Variants in PCDHGB4 observed in about 807,000 individuals in gnomAD.
PCDHGB4 encodes protocadherin gamma subfamily B, 4.
A neutral mutation model predicts 60.5 loss-of-function variants in PCDHGB4; 38 were observed. The observed-to-expected ratio is 0.63, with a 90% confidence interval of 0.48 to 0.82. PCDHGB4 has a LOEUF of 0.82. Ranked by LOEUF, PCDHGB4 falls within the 40% of genes least tolerant of loss-of-function variation. The pLI is 0.00. For synonymous variants in PCDHGB4, 456 were observed against 509.7 expected, an observed-to-expected ratio of 0.89 and a Z score of 1.42; for missense variants, 1,109 against 1,209.6, an observed-to-expected ratio of 0.92 and a Z score of 1.23.
Position 141,389,719 on chromosome 5 carries a change from C to A in PCDHGB4, c.1835C>A (p.Pro612His), listed in dbSNP as rs371194042. ...TACCACGTGCTGCAGGCTAGCGAGC[C>A]CGGGCTCTTCAGCCTGGGGCTGCGC... The part of the protein sequence containing the change: ...LSYHVLQASE[P>H]GLFSLGLRTG... The change falls in exon 1 of 4, where the codon CCC becomes CAC. Residue 612 changes from proline to histidine, a missense_variant. Around this residue, in one of 2 missense-constraint regions of PCDHGB4, gnomAD observed 1,068 missense variants for 1,089.9 expected, o/e 0.98. Coordinates refer to ENST00000519479, the MANE Select transcript of PCDHGB4 (RefSeq NM_003736.4). The A allele has an allele frequency of 3.8e-5, 62 of 1,612,570 alleles. No individual in the cohort carries two copies. Among genetic ancestry groups the A allele is most frequent in the South Asian group, 1.1e-5 (1 of 91,050 alleles).
chr5:141,420,519 A>G (rs1056198647), intron 1 of PCDHGB4: 1 of 387,066 alleles, frequency 2.6e-6, no homozygotes, highest in African/African-American at 2.1e-5. Flanking sequence ...GAAGTAAAAT[A>G]CCTTTCGGTT....
Position 141,431,529 on chromosome 5 carries a change from T to G in PCDHGB4, c.2397+41248T>G, listed in dbSNP as rs145601545. The G allele has an allele frequency of 2.5e-6, 4 of 1,614,074 alleles. No homozygotes were observed. The highest frequency in any genetic ancestry group is 3.4e-6 in the Non-Finnish European group (4 of 1,180,030). ...GCGAGCGTTCCGGAGAATCTGGCCT[T>G]GGGCACGCAGCTGCTTGTAGTCAAC... On this transcript the variant is annotated intron_variant, in intron 1 of 3. Coordinates refer to ENST00000519479, the MANE Select transcript of PCDHGB4 (RefSeq NM_003736.4). The surrounding 1 kb of genome is among the most constrained non-coding windows in gnomAD (Gnocchi z 4.8).
chr5:141,428,082 G>A lies in PCDHGB4; in HGVS notation c.2397+37801G>A, dbSNP rs776612130. 2.5e-6 allele frequency: 4 copies of A among 1,609,030 alleles called. No individual in the cohort carries two copies. In the African/African-American group the frequency reaches 5.3e-5, roughly 21 times the overall value. On this transcript the variant is annotated intron_variant, in intron 1 of 3. Transcript: ENST00000519479. ...GGTGGACGCAGATTCGGGACACAACGCTTGGCTGTCCTACCACGTGCTGCA... is the reference window on the plus strand; with the variant it reads ...GGTGGACGCAGATTCGGGACACAACACTTGGCTGTCCTACCACGTGCTGCA...
rs768656280 is a variant in PCDHGB4, at chr5:141,390,016, T to G, written c.2132T>G (p.Leu711Trp). 1.2e-6 allele frequency: 2 copies of G among 1,613,978 alleles called. No homozygotes were observed. The highest frequency in any genetic ancestry group is 4.5e-5 in the East Asian group (2 of 44,896). Residue 711 changes from leucine (L) to tryptophan (W), a missense_variant, in exon 1 of 4, where the codon TTG becomes TGG. Physicochemically the swap from Leu to Trp is moderately conservative, Grantham distance 61. Around this residue, in one of 2 missense-constraint regions of PCDHGB4, gnomAD observed 1,068 missense variants for 1,089.9 expected, o/e 0.98. Coordinates refer to ENST00000519479, the MANE Select transcript of PCDHGB4 (RefSeq NM_003736.4). ...GTGGCCATGATTCTGGCCATTGCCT[T>G]GCGCCTGCGACGCTCCTCCAGCCCC... is the stretch of plus-strand genomic sequence containing the variant. ...FLVAMILAIA[L>W]RLRRSSSPAS... is the part of the protein sequence containing the mutation.
At position 141,471,055 on chromosome 5, in the gene PCDHGB4, T is replaced by C. The variant is rs1229791864; in HGVS notation, c.2398-23752T>C. Reference sequence around the variant, plus strand: ...AACAAGCCCAAGCCCTCTTTTTTTTTTTTTTTTTTTTGAGACAGGGTCTCC... The same window carrying C: ...AACAAGCCCAAGCCCTCTTTTTTTTCTTTTTTTTTTTGAGACAGGGTCTCC... On this transcript the variant is annotated intron_variant, in intron 1 of 3. Coordinates refer to ENST00000519479, the MANE Select transcript of PCDHGB4 (RefSeq NM_003736.4). Among the ~76,000 whole-genome samples the C allele has an allele frequency of 1.7e-4, 25 of 148,764 alleles. 2 individuals are homozygous for C. The Admixed American group carries it at 1.7e-3, about 10-fold the overall frequency.
At position 141,477,706 on chromosome 5, in the gene PCDHGB4, G is replaced by A. The variant is rs1490514142; in HGVS notation, c.2398-17101G>A. 6 of 1,613,988 alleles carry A rather than the reference G, an allele frequency of 3.7e-6. No homozygotes were observed. Among genetic ancestry groups the A allele is most frequent in the Non-Finnish European group, 5.1e-6 (6 of 1,180,044 alleles). ...TAGTGCCCCTAGACTATGAGGATCGGCGGGAATTTGAATTAACAGCTCATA... is the reference window on the plus strand; with the variant it reads ...TAGTGCCCCTAGACTATGAGGATCGACGGGAATTTGAATTAACAGCTCATA... On this transcript the variant is annotated intron_variant, in intron 1 of 3. Transcript: ENST00000519479. This position sits in a 1 kb window ranked among gnomAD's most constrained non-coding sequence, Gnocchi z 4.9.
Position 141,511,186 on chromosome 5 carries a change from G to A in PCDHGB4, c.*13G>A. 1 of 1,613,906 alleles carries A rather than the reference G, an allele frequency of 6.2e-7. No individual in the cohort carries two copies. The highest frequency in any genetic ancestry group is 8.5e-7 in the Non-Finnish European group (1 of 1,179,890). ...GGAGAAGAAGTAACATGGAGGCCAG[G>A]CCAAGAGCCACAGGGCGGCCTCTCC... On this transcript the variant is annotated 3_prime_UTR_variant, in exon 4 of 4. Transcript: ENST00000519479.
intron 1 of PCDHGB4, among the ~76,000 whole-genome samples, chr5:141,470,842 C>A (rs2099241464): frequency 6.6e-6 from 1 of 152,044 alleles, no homozygotes; most frequent in Non-Finnish European, 1.5e-5. Context: ...CACACGCCAC[C>A]ATGCTCAGAT....
At chr5:141,450,006 C>CTATTTTTTTTTTTT (rs70988802) in intron 1 of PCDHGB4, among the ~76,000 whole-genome samples, 1 of 132,966 alleles carries the variant, frequency 7.5e-6, no homozygotes, top group Non-Finnish European at 1.6e-5. Flanking sequence ...TGCCATGTCT[C>CTATTTTTTTTTTTT]TTTTTTTTTT....
chr5:141,489,701 T>C lies in PCDHGB4; in HGVS notation c.2398-5106T>C, dbSNP rs1038902932. The C allele has an allele frequency of 1.9e-6, 3 of 1,614,128 alleles. No homozygotes were observed. The highest frequency in any genetic ancestry group is 2.5e-6 in the Non-Finnish European group (3 of 1,179,944). On this transcript the variant is annotated intron_variant, in intron 1 of 3. Transcript: ENST00000519479. The surrounding 1 kb of genome is among the most constrained non-coding windows in gnomAD (Gnocchi z 4.5). ...GCAGCATCTGGGGCACGATTCCCAC[T>C]GGACAGTGCCCAGGATCCGGATGTG...
At chr5:141,403,507 A>G (rs373170550) in intron 1 of PCDHGB4, 1 of 1,614,006 alleles carries the variant, frequency 6.2e-7, no homozygotes, top group Non-Finnish European at 8.5e-7. Context: ...TGCAGACTGG[A>G]GACAATGGAG....
chr5:141,466,016 G>A (rs1592991828), intron 1 of PCDHGB4, among the ~76,000 whole-genome samples: 2 of 152,032 alleles, frequency 1.3e-5, no homozygotes, highest in East Asian at 3.9e-4. Flanking sequence ...CAGCTACTCG[G>A]GAGGGTGAGG....
chr5:141,419,656 G>C lies in PCDHGB4; in HGVS notation c.2397+29375G>C. The C allele has an allele frequency of 1.9e-6, 3 of 1,612,648 alleles. No homozygotes were observed. The East Asian group carries it at 6.7e-5, about 36-fold the overall frequency. ...TGGTGGCCGTGGACGCGGACTCGGGGCACAATGCCTGGCTGTCCTACCACG... is the reference window on the plus strand; with the variant it reads ...TGGTGGCCGTGGACGCGGACTCGGGCCACAATGCCTGGCTGTCCTACCACG... On this transcript the variant is annotated intron_variant, in intron 1 of 3. Transcript: ENST00000519479.
Position 141,493,360 on chromosome 5 carries a change from G to T in PCDHGB4, c.2398-1447G>T, listed in dbSNP as rs1364095483. Reference sequence around the variant, plus strand: ...CAGAATGTGTGCTTTTAATTTCTTGGCACTTGGAACTTTAAAAGCTTGAGG... The same window carrying T: ...CAGAATGTGTGCTTTTAATTTCTTGTCACTTGGAACTTTAAAAGCTTGAGG... On this transcript the variant is annotated intron_variant, in intron 1 of 3. Transcript: ENST00000519479. This position sits in a 1 kb window ranked among gnomAD's most constrained non-coding sequence, Gnocchi z 4.3. Among the ~76,000 whole-genome samples the T allele has an allele frequency of 6.6e-6, 1 of 152,144 alleles. No individual in the cohort carries two copies. The highest frequency in any genetic ancestry group is 1.5e-5 in the Non-Finnish European group (1 of 68,022).
At chr5:141,488,020 T>C (rs985558790) in intron 1 of PCDHGB4, among the ~76,000 whole-genome samples, 3 of 152,174 alleles carry the variant, frequency 2.0e-5, no homozygotes, top group African/African-American at 7.2e-5. Context: ...GTACCTTAAC[T>C]CTAGGTTACC....
chr5:141,472,188 G>C (rs779077950), intron 1 of PCDHGB4, among the ~76,000 whole-genome samples: 4 of 152,168 alleles, frequency 2.6e-5, no homozygotes, highest in Middle Eastern at 3.2e-3. Context: ...ATTGGAATTT[G>C]AATCTTTTTG....
intron 1 of PCDHGB4, among the ~76,000 whole-genome samples, chr5:141,406,328 C>T (rs1235799294): frequency 1.3e-5 from 2 of 152,062 alleles, no homozygotes; most frequent in Non-Finnish European, 2.9e-5. Context: ...ATTCTTACTC[C>T]TACGATCATT....
intron 1 of PCDHGB4, among the ~76,000 whole-genome samples, chr5:141,430,066 G>C (rs550834063): frequency 6.6e-6 from 1 of 151,984 alleles, no homozygotes; most frequent in Non-Finnish European, 1.5e-5. Flanking sequence ...TCATTTTTAG[G>C]TTTCCATAAT....
chr5:141,428,057 G>C (rs766786963), intron 1 of PCDHGB4: 2 of 1,609,044 alleles, frequency 1.2e-6, no homozygotes, highest in East Asian at 2.2e-5. Flanking sequence ...AGGTGGTGGC[G>C]GTGGACGCAG....
Sources: gnomAD v4.1 joint callset for allele counts (sites outside exome capture counted in the v4.1 genomes callset) on GRCh38, gnomAD v4.1.1 for gene constraint, gnomAD v4.1.1 regional missense constraint, Gnocchi (gnomAD v3.1) non-coding constraint, MANE v1.5 for transcripts, NCBI Gene and HGNC (gene_info 2026-07-23, HGNC 2026-07-21) for gene names.